Variants in DCLK1 observed in about 807,000 individuals in gnomAD.
DCLK1 encodes the protein serine/threonine-protein kinase DCLK1.
DCLK1 carries 16 observed loss-of-function variants against 86.2 expected under a neutral mutation model. The observed-to-expected ratio is 0.19, with a 90% CI of 0.13 to 0.28. The LOEUF (loss-of-function observed/expected upper bound fraction) is 0.28, where lower values mean the gene tolerates loss of function less well. Among genes scored for constraint, DCLK1 ranks in the 10% least tolerant of loss-of-function variants. The pLI, the probability that DCLK1 is intolerant of heterozygous loss-of-function variation, is 1.00. For synonymous variants in DCLK1, 369 were observed against 370.5 expected, an observed-to-expected ratio of 1.00 and a Z score of 0.05; for missense variants, 590 against 940.2, an observed-to-expected ratio of 0.63 and a Z score of 4.87.
chr13:36,062,963 G>T (rs966537331), intron 3 of DCLK1, among the ~76,000 whole-genome samples: 1 of 152,142 alleles, frequency 6.6e-6, no homozygotes, highest in Non-Finnish European at 1.5e-5. Flanking sequence ...ATAATGCAAG[G>T]TCTTTGTGTA....
In DCLK1 at chr13:35,947,373, A is replaced by T; in HGVS notation, c.808T>A (p.Leu270Met). The change falls in exon 4 of 17, where the codon TTG becomes ATG. Residue 270 changes from leucine to methionine, a missense_variant. Coordinates refer to ENST00000360631, the MANE Select transcript of DCLK1 (RefSeq NM_001330071.2). Reference sequence around the variant, plus strand: ...TTTTCCTTACCACTTTCATCTAGCAAGAAATCATCCTGGTAACGGAACTTC... The same window carrying T: ...TTTTCCTTACCACTTTCATCTAGCATGAAATCATCCTGGTAACGGAACTTC... ...PEKFRYQDDF[L>M]LDESECRVVK... 1 of 1,613,906 alleles carries T rather than the reference A, an allele frequency of 6.2e-7. No homozygotes were observed. The highest frequency in any genetic ancestry group is 8.5e-7 in the Non-Finnish European group (1 of 1,179,870).
chr13:35,813,426 T>A (rs4943339), intron 11 of DCLK1, among the ~76,000 whole-genome samples: 1 of 151,928 alleles, frequency 6.6e-6, no homozygotes, highest in Admixed American at 6.6e-5. Flanking sequence ...AATTCTCCTA[T>A]ATGTAGGAAA....
At chr13:36,083,877 T>C (rs941665959) in intron 3 of DCLK1, among the ~76,000 whole-genome samples, 1 of 152,170 alleles carries the variant, frequency 6.6e-6, no homozygotes, top group East Asian at 1.9e-4. Flanking sequence ...TAGTGATATA[T>C]GAATATATAT....
At chr13:36,002,774 A>T (rs1221930973) in intron 3 of DCLK1, among the ~76,000 whole-genome samples, 1 of 152,262 alleles carries the variant, frequency 6.6e-6, no homozygotes, top group Non-Finnish European at 1.5e-5. Flanking sequence ...CATCCTTGTG[A>T]CAACCACATG....
intron 16 of DCLK1, among the ~76,000 whole-genome samples, chr13:35,792,619 A>G (rs2153099447): frequency 6.6e-6 from 1 of 152,300 alleles, no homozygotes; most frequent in East Asian, 1.9e-4. Context: ...ATTTATTAAA[A>G]ACTCAAGTAA....
intron 3 of DCLK1, among the ~76,000 whole-genome samples, chr13:35,957,121 T>C (rs1878030241): frequency 6.6e-6 from 1 of 152,110 alleles, no homozygotes; most frequent in Non-Finnish European, 1.5e-5. Flanking sequence ...CAAAACACCA[T>C]TAATAGAATA....
At chr13:35,857,497 C>T (rs376198296) in intron 5 of DCLK1, among the ~76,000 whole-genome samples, 228 of 152,298 alleles carry the variant, frequency 1.5e-3, no homozygotes, top group African/African-American at 4.9e-3. Flanking sequence ...TTGCAAGCAG[C>T]CCACCCTGAA....
At chr13:35,991,783 T>TC (rs930500690) in intron 3 of DCLK1, among the ~76,000 whole-genome samples, 1 of 152,070 alleles carries the variant, frequency 6.6e-6, no homozygotes, top group African/African-American at 2.4e-5. Context: ...ATTCTTCTCT[T>TC]CCCCCCATTA....
intron 3 of DCLK1, among the ~76,000 whole-genome samples, chr13:36,092,014 C>T (rs1884843309): frequency 6.6e-6 from 1 of 152,124 alleles, no homozygotes; most frequent in Non-Finnish European, 1.5e-5. Context: ...TTCTACTTGC[C>T]AATACCTTAT....
chr13:35,841,882 G>C (rs976510042), intron 6 of DCLK1, among the ~76,000 whole-genome samples: 4 of 152,048 alleles, frequency 2.6e-5, no homozygotes, highest in Non-Finnish European at 5.9e-5. Flanking sequence ...GGGGGACTGG[G>C]ATGGACCTTA....
At chr13:36,075,401 G>A (rs1203237049) in intron 3 of DCLK1, among the ~76,000 whole-genome samples, 3 of 152,160 alleles carry the variant, frequency 2.0e-5, no homozygotes, top group Admixed American at 2.0e-4. Flanking sequence ...TATGAATGAG[G>A]ATGAAATAAA....
chr13:35,811,008 G>A (rs368820096), intron 11 of DCLK1, 40 bp from the exon 12 acceptor site: 2 of 1,611,868 alleles, frequency 1.2e-6, no homozygotes, highest in African/African-American at 1.3e-5. Context: ...TGAAAACCAA[G>A]AGCTCAAAAG....
At chr13:36,100,125 T>C (rs1885151915) in intron 3 of DCLK1, among the ~76,000 whole-genome samples, 2 of 141,898 alleles carry the variant, frequency 1.4e-5, no homozygotes, top group South Asian at 2.2e-4. Context: ...GGAGGATTGC[T>C]TGAGTCCAGG....
At chr13:35,910,791 G>A (rs778046231) in intron 4 of DCLK1, among the ~76,000 whole-genome samples, 17 of 152,154 alleles carry the variant, frequency 1.1e-4, no homozygotes, top group Non-Finnish European at 2.2e-4. Context: ...CGGGGAATTT[G>A]AGGTGGCAAA....
At chr13:36,031,685 G>A (rs983784017) in intron 3 of DCLK1, among the ~76,000 whole-genome samples, 2 of 152,222 alleles carry the variant, frequency 1.3e-5, no homozygotes, top group South Asian at 4.1e-4. Flanking sequence ...CGTATTTGAT[G>A]ACTTCCTGGG....
chr13:35,786,484 A>G (rs1354737174), intron 16 of DCLK1, among the ~76,000 whole-genome samples: 1 of 152,178 alleles, frequency 6.6e-6, no homozygotes, highest in East Asian at 1.9e-4. Context: ...GCTGGACTCT[A>G]GGGTCAGTGT....
At chr13:36,071,942 G>GAGAGAGGCATGCCAAAGAAATTAAAATCT (rs1307651278) in intron 3 of DCLK1, among the ~76,000 whole-genome samples, 7 of 152,172 alleles carry the variant, frequency 4.6e-5, no homozygotes, top group Non-Finnish European at 8.8e-5. Context: ...TATATTGATC[G>GAGAGAGGCATGCCAAAGAAATTAAAATCT]AGAGAGGCAT....
intron 3 of DCLK1, among the ~76,000 whole-genome samples, chr13:36,078,559 T>C (rs1039813675): frequency 2.6e-5 from 4 of 152,178 alleles, no homozygotes; most frequent in African/African-American, 9.7e-5. Flanking sequence ...TTTAAAGTGG[T>C]TTACAAATTG....
chr13:36,112,308 G>T, intron 2 of DCLK1, 93 bp from the exon 3 acceptor site: 1 of 932,680 alleles, frequency 1.1e-6, no homozygotes, highest in Non-Finnish European at 1.5e-6. Context: ...CTGCTTAGGG[G>T]CAAGAGCTAG....
Sources: gnomAD v4.1 joint callset for allele counts (sites outside exome capture counted in the v4.1 genomes callset) on GRCh38, gnomAD v4.1.1 for gene constraint, MANE v1.5 for transcripts, NCBI Gene and HGNC (gene_info 2026-07-23, HGNC 2026-07-21) for gene names.